The following PLCXD3 variants were observed in gnomAD, a reference collection of about 807,000 sequenced individuals.
PLCXD3 encodes the protein phosphatidylinositol specific phospholipase C X domain containing 3.
Under a neutral mutation model 25.5 loss-of-function variants are expected in PLCXD3, and 19 were observed. The observed-to-expected ratio is 0.75, with a 90% CI of 0.52 to 1.09. The LOEUF is 1.09. PLCXD3 is among the 50% of genes least tolerant of loss of function. The pLI is 0.00. For synonymous variants in PLCXD3, 174 were observed against 137.6 expected (o/e 1.26, Z -1.85); for missense variants, 411 against 388.1 (o/e 1.06, Z -0.50).
At chr5:41,472,983 C>T (rs1748199054) in intron 1 of PLCXD3, among the ~76,000 whole-genome samples, 1 of 151,958 alleles carries the variant, frequency 6.6e-6, no homozygotes, top group Non-Finnish European at 1.5e-5. Context: ...TGTGGCTAAT[C>T]CAAAATAATA....
intron 1 of PLCXD3, among the ~76,000 whole-genome samples, chr5:41,508,045 G>A (rs76111679): frequency 0.016 from 2,489 of 152,200 alleles, 65 homozygotes; most frequent in African/African-American, 0.057. Context: ...AGAAACATGC[G>A]AGTATTCAGG....
intron 1 of PLCXD3, among the ~76,000 whole-genome samples, chr5:41,410,473 G>A (rs1460435599): frequency 6.6e-6 from 1 of 150,492 alleles, no homozygotes; most frequent in Non-Finnish European, 1.5e-5. Context: ...ATGATTCCCT[G>A]GACCGTGAAT....
At chr5:41,314,112 T>C (rs1197572224) in intron 2 of PLCXD3, among the ~76,000 whole-genome samples, 4 of 152,182 alleles carry the variant, frequency 2.6e-5, no homozygotes, top group Non-Finnish European at 4.4e-5. Context: ...AAACTACGGA[T>C]TGGGGAGGTC....
At chr5:41,414,000 C>T (rs948662202) in intron 1 of PLCXD3, among the ~76,000 whole-genome samples, 6 of 152,210 alleles carry the variant, frequency 3.9e-5, no homozygotes, top group African/African-American at 1.4e-4. Flanking sequence ...ATGATATTTA[C>T]TGATACAAAA....
chr5:41,361,517 G>T (rs1446890242), intron 2 of PLCXD3, among the ~76,000 whole-genome samples: 1 of 152,224 alleles, frequency 6.6e-6, no homozygotes, highest in Non-Finnish European at 1.5e-5. Context: ...CCCTGCAGGA[G>T]CTGCAAGCTA....
chr5:41,405,150 C>G (rs1328762198), intron 1 of PLCXD3, among the ~76,000 whole-genome samples: 1 of 152,078 alleles, frequency 6.6e-6, no homozygotes, highest in Non-Finnish European at 1.5e-5. Context: ...GCAAACATAC[C>G]TTCCACCTAT....
At chr5:41,329,182 C>A (rs925404876) in intron 2 of PLCXD3, among the ~76,000 whole-genome samples, 4 of 152,166 alleles carry the variant, frequency 2.6e-5, no homozygotes, top group African/African-American at 9.6e-5. Context: ...CCTGCCCCGT[C>A]ACTTGGTGTT....
intron 1 of PLCXD3, among the ~76,000 whole-genome samples, chr5:41,403,857 A>G (rs1746275552): frequency 6.6e-6 from 1 of 151,280 alleles, no homozygotes; most frequent in African/African-American, 2.4e-5. Context: ...TAGTGCCGCA[A>G]TAAACATACG....
chr5:41,315,312 T>C (rs1743257432), intron 2 of PLCXD3, among the ~76,000 whole-genome samples: 1 of 149,914 alleles, frequency 6.7e-6, no homozygotes, highest in Non-Finnish European at 1.5e-5. Context: ...CTGGATGAAA[T>C]GGAGAGGGAG....
At chr5:41,325,421 A>G (rs1291995003) in intron 2 of PLCXD3, among the ~76,000 whole-genome samples, 1 of 152,236 alleles carries the variant, frequency 6.6e-6, no homozygotes, top group African/African-American at 2.4e-5. Context: ...ACAATTATTT[A>G]GGATAGCATT....
At chr5:41,319,464 G>A (rs954857286) in intron 2 of PLCXD3, among the ~76,000 whole-genome samples, 1 of 152,114 alleles carries the variant, frequency 6.6e-6, no homozygotes, top group Non-Finnish European at 1.5e-5. Context: ...GGAATTTTGG[G>A]AGTTCTACAA....
intron 1 of PLCXD3, among the ~76,000 whole-genome samples, chr5:41,410,991 T>C (rs1172315851): frequency 6.6e-6 from 1 of 152,148 alleles, no homozygotes; most frequent in African/African-American, 2.4e-5. Flanking sequence ...GCAGCTCTTA[T>C]GTGGGAAGAC....
In PLCXD3 at chr5:41,309,367, A is replaced by C. The variant is rs1743071749; in HGVS notation, c.*4250T>G. ...AAGTTATGGCAGATATAGCATTTAC[A>C]CCATAGTGTCACTGAAATCTAGCTG... is the stretch of plus-strand genomic sequence containing the variant. On this transcript the variant is annotated 3_prime_UTR_variant, in exon 3 of 3. Coordinates refer to ENST00000377801, the MANE Select transcript of PLCXD3 (RefSeq NM_001005473.3). 1 of 152,588 alleles carries C rather than the reference A, an allele frequency of 6.6e-6. No individual in the cohort carries two copies. The highest frequency in any genetic ancestry group is 2.4e-5 in the African/African-American group (1 of 41,442). The allele number at this position is 152,588 out of a possible 1,614,324, so 9.5% of individuals were successfully genotyped here. A position where few individuals can be genotyped will look rare whatever the true frequency, so the allele number is the denominator to read the frequency against.
At chr5:41,442,997 G>A in intron 1 of PLCXD3, among the ~76,000 whole-genome samples, 1 of 150,640 alleles carries the variant, frequency 6.6e-6, no homozygotes, top group East Asian at 1.9e-4. Context: ...GAGATGCAGG[G>A]ATTTTCACAA....
At position 41,465,353 on chromosome 5, in the gene PLCXD3, C is replaced by CTTTTTTTTTTT. The variant is rs58098437; in HGVS notation, c.103+45060_103+45070dup. On this transcript the variant is annotated intron_variant, in intron 1 of 2. Transcript: ENST00000377801. ...TCCTACTTTCCCCACTAGTTCTTGT[C>CTTTTTTTTTTT]TTTTTTTTTTTTTTTTTTTTTTTTT... Among the ~76,000 whole-genome samples, 65 of 13,230 alleles carry CTTTTTTTTTTT rather than the reference C, an allele frequency of 4.9e-3. 5 individuals carry two copies. Among genetic ancestry groups the CTTTTTTTTTTT allele is most frequent in the South Asian group, 0.013 (2 of 154 alleles). The allele number at this position is 13,230 out of a possible 152,430, so 8.7% of individuals were successfully genotyped here. A position where few individuals can be genotyped will look rare whatever the true frequency, so the allele number is the denominator to read the frequency against.
chr5:41,429,550 G>A (rs368466356), intron 1 of PLCXD3, among the ~76,000 whole-genome samples: 1 of 152,142 alleles, frequency 6.6e-6, no homozygotes, highest in African/African-American at 2.4e-5. Flanking sequence ...TTATAGGACT[G>A]GGATTTCTAC....
chr5:41,321,704 C>A (rs1743475636), intron 2 of PLCXD3, among the ~76,000 whole-genome samples: 1 of 152,174 alleles, frequency 6.6e-6, no homozygotes, highest in South Asian at 2.1e-4. Context: ...ACTAACACAG[C>A]ATGGCACTGG....
chr5:41,449,433 T>C (rs1580378834), intron 1 of PLCXD3, among the ~76,000 whole-genome samples: 2 of 152,318 alleles, frequency 1.3e-5, no homozygotes, highest in Admixed American at 1.3e-4. Flanking sequence ...CCATTTTCGG[T>C]GACACCATAG....
rs183206784 is a variant in PLCXD3 at position 41,403,309 on chromosome 5, T to A, written c.104-20775A>T. ...TTTTTTTTTTCTATTTAAAGGCTTT[T>A]AATTATTTGGAAATAATTGTAAGCA... On this transcript the variant is annotated intron_variant, in intron 1 of 2. Coordinates refer to ENST00000377801, the MANE Select transcript of PLCXD3 (RefSeq NM_001005473.3). Among the ~76,000 whole-genome samples, 657 of 149,620 alleles carry A rather than the reference T, an allele frequency of 4.4e-3. 8 individuals are homozygous for A. The highest frequency in any genetic ancestry group is 0.015 in the African/African-American group (624 of 40,752).
Sources: allele counts gnomAD v4.1 joint callset (sites outside exome capture counted in the v4.1 genomes callset), GRCh38; gene constraint gnomAD v4.1.1; transcripts MANE v1.5; gene names NCBI Gene and HGNC (gene_info 2026-07-23, HGNC 2026-07-21).